SEC23IP: variants seen among roughly 807,000 people sequenced by gnomAD.
The protein encoded by SEC23IP is SEC23 interacting protein, also known as SEC23-interacting protein.
Under a neutral mutation model 113.4 loss-of-function variants are expected in SEC23IP, and 70 were observed. The ratio of observed to expected loss-of-function variants is 0.62; its 90% CI spans 0.51 to 0.75. The LOEUF (loss-of-function observed/expected upper bound fraction) is 0.75, where lower values mean the gene tolerates loss of function less well. SEC23IP is among the 30% of genes least tolerant of loss of function. SEC23IP has a pLI of 0.00. For missense variants in SEC23IP, 1,160 were observed against 1,204.9 expected, an observed-to-expected ratio of 0.96 and a Z score of 0.55; for synonymous variants, 398 against 421.0, an observed-to-expected ratio of 0.95 and a Z score of 0.67.
intron 5 of SEC23IP, among the ~76,000 whole-genome samples, chr10:119,909,478 CAA>C (rs530869388): frequency 1.3e-5 from 2 of 152,112 alleles, no homozygotes; most frequent in Non-Finnish European, 2.9e-5. Flanking sequence ...CCCAGCTACT[CAA>C]GAGGCTGAGG....
At chr10:119,932,098 CTAAT>C (rs764071777) in intron 15 of SEC23IP, 31 bp from the exon 16 acceptor site, 35 of 1,393,608 alleles carry the variant, frequency 2.5e-5, no homozygotes, top group African/African-American at 5.7e-5. Flanking sequence ...TACCCAGTGA[CTAAT>C]TAACTTGTTG....
chr10:119,930,498 T>A, intron 15 of SEC23IP, 67 bp downstream of exon 15: 5 of 901,788 alleles, frequency 5.5e-6, no homozygotes, highest in Non-Finnish European at 8.9e-6. Context: ...TTATGAAAAT[T>A]TTGACACTAA....
At position 119,908,296 on chromosome 10, in the gene SEC23IP, A is replaced by G. The variant is rs140679160; in HGVS notation, c.1102-745A>G. 4.7e-3 allele frequency among the ~76,000 whole-genome samples: 723 copies of G among 152,294 alleles called. 6 individuals carry two copies. Among genetic ancestry groups the G allele is most frequent in the Non-Finnish European group, 6.2e-3 (420 of 68,028 alleles). ...AGTCAGTCCTGGGTGGCAATGAACT[A>G]CAGTTCTCCCATTGCTGCTTCCCAG... is the stretch of plus-strand genomic sequence containing the variant. On this transcript the variant is annotated intron_variant, in intron 4 of 18. Transcript: ENST00000369075.
Position 119,942,832 on chromosome 10 carries a change from A to G in SEC23IP, c.*2267A>G, listed in dbSNP as rs1298127127. On this transcript the variant is annotated 3_prime_UTR_variant, in exon 19 of 19. Transcript: ENST00000369075. ...GCTTCTTGAATCCAACCAGACAAGCATGTTTTCTCAAAACCACAGTATAAG... is the reference window on the plus strand; with the variant it reads ...GCTTCTTGAATCCAACCAGACAAGCGTGTTTTCTCAAAACCACAGTATAAG... 1.3e-5 allele frequency: 2 copies of G among 152,200 alleles called. No individual in the cohort carries two copies. The highest frequency in any genetic ancestry group is 2.9e-5 in the Non-Finnish European group (2 of 68,054). 9.4% of individuals were successfully genotyped at this position (152,200 alleles called of 1,614,324 possible). A position where few individuals can be genotyped will look rare whatever the true frequency, so the allele number is the denominator to read the frequency against.
At chr10:119,915,631 C>G (rs972745220) in intron 7 of SEC23IP, 117 bp from the exon 8 acceptor site, 2 of 770,950 alleles carry the variant, frequency 2.6e-6, no homozygotes, top group African/African-American at 3.6e-5. Context: ...TCATTTTTTT[C>G]TTTAAAAAAT....
At chr10:119,910,839 GC>G (rs1376633719) in intron 5 of SEC23IP, among the ~76,000 whole-genome samples, 2 of 151,434 alleles carry the variant, frequency 1.3e-5, no homozygotes, top group African/African-American at 2.4e-5. Context: ...GCGCCACCTT[GC>G]CTGGCCAGTT....
intron 4 of SEC23IP, among the ~76,000 whole-genome samples, chr10:119,907,218 C>T (rs1213758461): frequency 1.3e-5 from 2 of 151,604 alleles, no homozygotes; most frequent in Non-Finnish European, 2.9e-5. Flanking sequence ...ATCTCTTGAA[C>T]CTGGGAGGCG....
chr10:119,907,544 C>T (rs1370325007), intron 4 of SEC23IP, among the ~76,000 whole-genome samples: 2 of 152,188 alleles, frequency 1.3e-5, no homozygotes, highest in African/African-American at 2.4e-5. Context: ...AAGAGGTCCT[C>T]ACGCTTGTTC....
intron 11 of SEC23IP, among the ~76,000 whole-genome samples, chr10:119,920,074 A>G (rs1015171565): frequency 2.6e-5 from 4 of 152,232 alleles, no homozygotes; most frequent in Non-Finnish European, 4.4e-5. Context: ...TTAACTTACC[A>G]GTTTGAAAAA....
At position 119,903,007 on chromosome 10, in the gene SEC23IP, C is replaced by T; in HGVS notation, c.905C>T (p.Ser302Leu). ...DSLNLEEIYN[S>L]VQPDPESVVL... ...TTGAATCTTGAAGAAATCTATAATTCAGGTAAACATTGGTCATACATCATT... is the reference window on the plus strand; with the variant it reads ...TTGAATCTTGAAGAAATCTATAATTTAGGTAAACATTGGTCATACATCATT... The change falls in exon 3 of 19, where the codon TCA becomes TTA. Residue 302 changes from serine (S) to leucine (L), a missense_variant and splice_region_variant. Coordinates refer to ENST00000369075, the MANE Select transcript of SEC23IP (RefSeq NM_007190.4). 3 of 1,610,260 alleles carry T rather than the reference C, an allele frequency of 1.9e-6. No individual in the cohort carries two copies. The highest frequency in any genetic ancestry group is 2.5e-6 in the Non-Finnish European group (3 of 1,176,712).
chr10:119,914,613 G>C lies in SEC23IP; in HGVS notation c.1313-117G>C. ...GTAATGAGGCTTATTCTCTTTGAAG[G>C]GTCATGAATTTCTTTGGCAAGTTTG... On this transcript the variant is annotated intron_variant, in intron 6 of 18. Transcript: ENST00000369075. 6 of 785,462 alleles carry C rather than the reference G, an allele frequency of 7.6e-6. No homozygotes were observed. The South Asian group carries it at 9.4e-5, about 12-fold the overall frequency. The allele number at this position is 785,462 out of a possible 1,614,324, so 48.7% of individuals were successfully genotyped here. A position where few individuals can be genotyped will look rare whatever the true frequency, so the allele number is the denominator to read the frequency against.
intron 6 of SEC23IP, among the ~76,000 whole-genome samples, chr10:119,914,029 G>A (rs1485010184): frequency 6.6e-6 from 1 of 152,044 alleles, no homozygotes; most frequent in Non-Finnish European, 1.5e-5. Flanking sequence ...GCGTGGTGGT[G>A]GGTGCCTGTA....
intron 2 of SEC23IP, 57 bp from the exon 3 acceptor site, chr10:119,902,742 C>T: frequency 3.7e-6 from 5 of 1,369,494 alleles, no homozygotes; most frequent in Non-Finnish European, 1.0e-6. Flanking sequence ...GGGTGTGAAG[C>T]ATATTCAGAA....
At chr10:119,915,669 C>T in intron 7 of SEC23IP, 79 bp from the exon 8 acceptor site, 1 of 939,860 alleles carries the variant, frequency 1.1e-6, no homozygotes, top group Non-Finnish European at 1.5e-6. Flanking sequence ...AAAATACTGG[C>T]ATATTTGAGG....
At chr10:119,938,176 T>A (rs1855858600) in intron 18 of SEC23IP, among the ~76,000 whole-genome samples, 1 of 151,846 alleles carries the variant, frequency 6.6e-6, no homozygotes, top group African/African-American at 2.4e-5. Flanking sequence ...TAACGGAAGT[T>A]GAGTTCTTTC....
rs954464236 is a variant in SEC23IP, at chr10:119,898,292, T to C, written c.164-135T>C. On this transcript the variant is annotated intron_variant, in intron 1 of 18. Coordinates refer to ENST00000369075, the MANE Select transcript of SEC23IP (RefSeq NM_007190.4). ...TTTCAAAGAAAAAAAGAAAAAACTG[T>C]TTTTTTCTGTAATGCAGAAATAGCA... is the stretch of plus-strand genomic sequence containing the variant. The C allele has an allele frequency of 5.6e-6, 7 of 1,255,430 alleles. No homozygotes were observed. In the East Asian group the frequency reaches 1.8e-4, roughly 33 times the overall value. 77.8% of individuals were successfully genotyped at this position (1,255,430 alleles called of 1,614,324 possible). A position where few individuals can be genotyped will look rare whatever the true frequency, so the allele number is the denominator to read the frequency against.
chr10:119,909,947 A>C (rs1854805295), intron 5 of SEC23IP, among the ~76,000 whole-genome samples: 1 of 152,196 alleles, frequency 6.6e-6, no homozygotes, highest in Admixed American at 6.5e-5. Context: ...TGATAACTGG[A>C]GTTTAGTATG....
chr10:119,929,163 C>T (rs575309111), intron 13 of SEC23IP, among the ~76,000 whole-genome samples: 1 of 151,946 alleles, frequency 6.6e-6, no homozygotes, highest in South Asian at 2.1e-4. Context: ...TTATGCCGTG[C>T]AAAACAATAT....
intron 15 of SEC23IP, among the ~76,000 whole-genome samples, chr10:119,931,575 C>T (rs577403091): frequency 3.2e-4 from 46 of 144,774 alleles, no homozygotes; most frequent in African/African-American, 9.7e-4. Flanking sequence ...TTTTTTGAGT[C>T]GGAGTCTTGC....
Sources: gnomAD v4.1 joint callset for allele counts (sites outside exome capture counted in the v4.1 genomes callset) on GRCh38, gnomAD v4.1.1 for gene constraint, MANE v1.5 for transcripts, NCBI Gene and HGNC (gene_info 2026-07-23, HGNC 2026-07-21) for gene names.